CCDC171: variants seen among roughly 807,000 people sequenced by gnomAD.
CCDC171 encodes coiled-coil domain containing 171, also known as coiled-coil domain-containing protein 171.
Under a neutral mutation model 168.2 loss-of-function variants are expected in CCDC171, and 177 were observed. The ratio of observed to expected loss-of-function variants is 1.05; its 90% CI spans 0.93 to 1.19. The LOEUF is 1.19. CCDC171 is among the 50% of genes most tolerant of loss of function. The pLI is 0.00. For missense variants in CCDC171, 1,991 were observed against 1,539.0 expected, an observed-to-expected ratio of 1.29 and a Z score of -4.91; for synonymous variants, 687 against 540.8, an observed-to-expected ratio of 1.27 and a Z score of -3.75.
intron 18 of CCDC171, among the ~76,000 whole-genome samples, chr9:15,762,511 A>G (rs540468353): frequency 1.3e-5 from 2 of 152,302 alleles, no homozygotes; most frequent in East Asian, 3.9e-4. Flanking sequence ...AAAAATCACA[A>G]TTTAGGAAAA....
intron 11 of CCDC171, among the ~76,000 whole-genome samples, chr9:15,720,303 A>G (rs1030377743): frequency 2.6e-5 from 4 of 152,198 alleles, no homozygotes; most frequent in Non-Finnish European, 5.9e-5. Flanking sequence ...CATAAGTTCT[A>G]ATAATAGAAT....
intron 3 of CCDC171, among the ~76,000 whole-genome samples, chr9:15,574,469 G>A (rs2040477423): frequency 6.6e-6 from 1 of 151,958 alleles, no homozygotes; most frequent in African/African-American, 2.4e-5. Flanking sequence ...AGTGGAGACG[G>A]AGTTTTACCA....
At chr9:16,060,325 G>T (rs1248706923) in intron 1 of CCDC171, among the ~76,000 whole-genome samples, 1 of 152,142 alleles carries the variant, frequency 6.6e-6, no homozygotes, top group African/African-American at 2.4e-5. Context: ...AGCGATGACC[G>T]TGAGGGTCTT....
intron 4 of CCDC171, among the ~76,000 whole-genome samples, chr9:15,585,696 C>G (rs981362919): frequency 6.6e-6 from 1 of 152,016 alleles, no homozygotes; most frequent in Non-Finnish European, 1.5e-5. Flanking sequence ...TTCATAAAAT[C>G]TCTTTGAACA....
intron 7 of CCDC171, among the ~76,000 whole-genome samples, chr9:15,642,315 G>GTATA (rs150606956): frequency 0.037 from 4,447 of 121,158 alleles, 193 homozygotes; most frequent in African/African-American, 0.094. Flanking sequence ...ATGTATACAC[G>GTATA]TATATATATA....
intron 17 of CCDC171, among the ~76,000 whole-genome samples, chr9:15,744,988 A>G (rs2055169389): frequency 6.6e-6 from 1 of 152,196 alleles, no homozygotes; most frequent in Admixed American, 6.5e-5. Flanking sequence ...AGGTTAAAAT[A>G]TTAGGTGGCA....
At chr9:16,014,457 G>T (rs115025648) in intron 3 of CCDC171, among the ~76,000 whole-genome samples, 1 of 152,090 alleles carries the variant, frequency 6.6e-6, no homozygotes, top group Admixed American at 6.6e-5. Flanking sequence ...TTGATATTTT[G>T]ACCTCCACCC....
intron 21 of CCDC171, among the ~76,000 whole-genome samples, chr9:15,802,462 C>T (rs2058871481): frequency 1.3e-5 from 2 of 151,982 alleles, no homozygotes; most frequent in African/African-American, 4.8e-5. Context: ...ACTGTGTGTC[C>T]ATGTGTTCTC....
chr9:15,740,256 T>C (rs2054775827), intron 16 of CCDC171, among the ~76,000 whole-genome samples: 1 of 152,196 alleles, frequency 6.6e-6, no homozygotes, highest in African/African-American at 2.4e-5. Context: ...TATATTTTTT[T>C]CCAGAAGGCC....
At chr9:16,054,808 G>A (rs1029648625) in intron 1 of CCDC171, among the ~76,000 whole-genome samples, 1 of 152,152 alleles carries the variant, frequency 6.6e-6, no homozygotes, top group Admixed American at 6.5e-5. Context: ...TTTCTTAGTG[G>A]GGAGCATTTA....
intron 6 of CCDC171, among the ~76,000 whole-genome samples, chr9:15,596,559 A>T (rs1308046387): frequency 2.0e-5 from 3 of 152,182 alleles, no homozygotes; most frequent in African/African-American, 7.2e-5. Flanking sequence ...CTTGTAGTAT[A>T]GTTTGAAGTC....
intron 24 of CCDC171, among the ~76,000 whole-genome samples, chr9:15,919,159 A>T (rs1021000287): frequency 6.6e-6 from 1 of 151,632 alleles, no homozygotes; most frequent in African/African-American, 2.4e-5. Flanking sequence ...TCACAAGAGG[A>T]TTCTTGAAAA....
At chr9:15,877,009 A>G (rs1387417911) in intron 24 of CCDC171, among the ~76,000 whole-genome samples, 2 of 152,094 alleles carry the variant, frequency 1.3e-5, no homozygotes, top group African/African-American at 4.8e-5. Context: ...TATAGGTATA[A>G]TCCTGAATGG....
chr9:15,914,217 G>T (rs1049943409), intron 24 of CCDC171, among the ~76,000 whole-genome samples: 2 of 152,164 alleles, frequency 1.3e-5, no homozygotes, highest in Non-Finnish European at 2.9e-5. Context: ...AGGCAGGAAC[G>T]TTTAAGTCTG....
intron 6 of CCDC171, among the ~76,000 whole-genome samples, chr9:15,610,917 T>C (rs2043636630): frequency 6.6e-6 from 1 of 152,118 alleles, no homozygotes; most frequent in Non-Finnish European, 1.5e-5. Context: ...GAGTTTCACA[T>C]GAGAAGTGAT....
the CCDC171 span, among the ~76,000 whole-genome samples, chr9:16,069,304 T>A: frequency 2.6e-5 from 4 of 152,380 alleles, no homozygotes; most frequent in East Asian, 7.7e-4. Flanking sequence ...TTTGAGCATC[T>A]TTTTGTGAGA....
chr9:16,038,693 A>C (rs952813864), upstream of CCDC171, among the ~76,000 whole-genome samples: 2 of 152,114 alleles, frequency 1.3e-5, no homozygotes, highest in African/African-American at 2.4e-5. Context: ...AGCTCAAACT[A>C]AGATGGCAGA....
rs1472120688 is a variant in CCDC171 at position 15,632,849 on chromosome 9, G to T, written c.822+9436G>T. 2.0e-5 allele frequency among the ~76,000 whole-genome samples: 3 copies of T among 152,130 alleles called. No individual in the cohort carries two copies. The East Asian group carries it at 5.8e-4, about 29-fold the overall frequency. ...ATATAGATCAATAGAACAGAACAGAGCACTCTGAAATAATGCCGCATATCT... is the reference window on the plus strand; with the variant it reads ...ATATAGATCAATAGAACAGAACAGATCACTCTGAAATAATGCCGCATATCT... On this transcript the variant is annotated intron_variant, in intron 7 of 25. Transcript: ENST00000380701.
chr9:15,688,917 A>G (rs972900140), intron 10 of CCDC171, among the ~76,000 whole-genome samples: 2 of 152,190 alleles, frequency 1.3e-5, no homozygotes, highest in Admixed American at 6.5e-5. Flanking sequence ...TAAATTATCT[A>G]TTTGCAGTTG....
Sources: gnomAD v4.1 joint callset for allele counts (sites outside exome capture counted in the v4.1 genomes callset) on GRCh38, gnomAD v4.1.1 for gene constraint, MANE v1.5 for transcripts, NCBI Gene and HGNC (gene_info 2026-07-23, HGNC 2026-07-21) for gene names.